The following PPP1R3D variants were observed in gnomAD, a reference collection of about 807,000 sequenced individuals.
The protein encoded by PPP1R3D is PP1 subunit R6.
A neutral mutation model predicts 16.3 loss-of-function variants in PPP1R3D; 27 were observed. The observed-to-expected ratio is 1.66, with a 90% CI of 1.22 to 2.29. The LOEUF is 2.29. PPP1R3D is among the 30% of genes most tolerant of loss of function. The probability of loss-of-function intolerance (pLI) is 0.00; values close to 1 mark genes in which losing one functional copy is unlikely to be tolerated. For synonymous variants in PPP1R3D, 223 were observed against 209.7 expected (o/e 1.06, Z -0.55); for missense variants, 472 against 438.3 (o/e 1.08, Z -0.69).
In PPP1R3D at chr20:59,939,614, G is replaced by A. The variant is rs369153560; in HGVS notation, c.318C>T (p.Ala106=). ...GTGCCAGCTCCAAGCCCAGGGCGTC[G>A]GCGAAGCGCACGCGGAGCTTCTGGC... ...GCSQKLRVRF[A]DALGLELAQV... is the part of the protein sequence containing the mutation. The change falls in exon 1 of 1, where the codon GCC becomes GCT. Residue 106 remains alanine (A), a synonymous_variant. Transcript: ENST00000370996. 3.1e-5 allele frequency: 49 copies of A among 1,588,954 alleles called. No individual in the cohort carries two copies. The highest frequency in any genetic ancestry group is 2.3e-4 in the East Asian group (10 of 42,766).
Position 59,938,621 on chromosome 20 carries a change from T to G in PPP1R3D, c.*411A>C, listed in dbSNP as rs1292761028. Reference sequence around the variant, plus strand: ...AATATTCCTGAGGAGGCATCCGCTATGGGCTAAAGGTCCCAACATCACAAT... The same window carrying G: ...AATATTCCTGAGGAGGCATCCGCTAGGGGCTAAAGGTCCCAACATCACAAT... On this transcript the variant is annotated 3_prime_UTR_variant, in exon 1 of 1. Coordinates refer to ENST00000370996, the MANE Select transcript of PPP1R3D (RefSeq NM_006242.4). The G allele has an allele frequency of 6.3e-6, 1 of 158,078 alleles. No individual in the cohort carries two copies. The highest frequency in any genetic ancestry group is 1.4e-5 in the Non-Finnish European group (1 of 72,048). The allele number at this position is 158,078 out of a possible 1,614,324, so 9.8% of individuals were successfully genotyped here.
At position 59,939,010 on chromosome 20, in the gene PPP1R3D, A is replaced by G. The variant is rs758454930; in HGVS notation, c.*22T>C. The G allele has an allele frequency of 2.7e-6, 4 of 1,491,646 alleles. No individual in the cohort carries two copies. The Admixed American group carries it at 8.9e-5, about 33-fold the overall frequency. The allele number at this position is 1,491,646 out of a possible 1,614,324, so 92.4% of individuals were successfully genotyped here. ...GGCGCAGCTTAGGTGTGGAGGCTCC[A>G]GGTGGCCGGTCCCCGCGCGGCTCAG... On this transcript the variant is annotated 3_prime_UTR_variant, in exon 1 of 1. Transcript: ENST00000370996.
rs1277098821 is a variant in PPP1R3D, at chr20:59,939,500, G to A, written c.432C>T (p.Ser144=). ...RLAINSDLCC[S]SQDLEFTLHC... ...GCAGGGTGAACTCCAGGTCCTGGCT[G>A]CTGCAGCACAGGTCCGAGTTGATTG... Residue 144 remains serine, a synonymous_variant, in exon 1 of 1, where the codon AGC becomes AGT. Coordinates refer to ENST00000370996, the MANE Select transcript of PPP1R3D (RefSeq NM_006242.4). The A allele has an allele frequency of 2.5e-6, 4 of 1,612,096 alleles. No individual in the cohort carries two copies. Among genetic ancestry groups the A allele is most frequent in the East Asian group, 4.5e-5 (2 of 44,868 alleles).
chr20:59,939,938 G>C lies in PPP1R3D; in HGVS notation c.-7C>G. ...AGCTCGGGCCTCTGGACATGGCCCCGCCGGCCGTCGGAAGATGAGGCAGGG... is the reference window on the plus strand; with the variant it reads ...AGCTCGGGCCTCTGGACATGGCCCCCCCGGCCGTCGGAAGATGAGGCAGGG... On this transcript the variant is annotated 5_prime_UTR_variant, in exon 1 of 1. Coordinates refer to ENST00000370996, the MANE Select transcript of PPP1R3D (RefSeq NM_006242.4). The C allele has an allele frequency of 7.9e-7, 1 of 1,263,956 alleles. No homozygotes were observed. The highest frequency in any genetic ancestry group is 3.1e-5 in the East Asian group (1 of 32,590). The allele number at this position is 1,263,956 out of a possible 1,614,324, so 78.3% of individuals were successfully genotyped here.
chr20:59,940,156 T>C lies in PPP1R3D; in HGVS notation c.-225A>G. ...TAAAGAAATTGTAAGAGTGGGGAGT[T>C]TTTCTCTAGTGGAAGCTTTCAGAGG... On this transcript the variant is annotated 5_prime_UTR_variant, in exon 1 of 1. Coordinates refer to ENST00000370996, the MANE Select transcript of PPP1R3D (RefSeq NM_006242.4). 1 of 399,610 alleles carries C rather than the reference T, an allele frequency of 2.5e-6. No homozygotes were observed. Among genetic ancestry groups the C allele is most frequent in the Non-Finnish European group, 4.6e-6 (1 of 219,068 alleles). The allele number at this position is 399,610 out of a possible 1,614,324, so 24.8% of individuals were successfully genotyped here. A position where few individuals can be genotyped will look rare whatever the true frequency, so the allele number is the denominator to read the frequency against.
At position 59,940,136 on chromosome 20, in the gene PPP1R3D, AAATTG is replaced by A. The variant is rs2060891772; in HGVS notation, c.-210_-206del. 1 of 415,358 alleles carries A rather than the reference AAATTG, an allele frequency of 2.4e-6. No homozygotes were observed. The highest frequency in any genetic ancestry group is 4.5e-5 in the Admixed American group (1 of 22,394). 25.7% of individuals were successfully genotyped at this position (415,358 alleles called of 1,614,324 possible). On this transcript the variant is annotated 5_prime_UTR_variant, in exon 1 of 1. Transcript: ENST00000370996. Reference sequence around the variant, plus strand: ...GGTCCTCCGCTTCTTGCGGTTAAAGAAATTGTAAGAGTGGGGAGTTTTTCTCTAGT... The same window carrying A: ...GGTCCTCCGCTTCTTGCGGTTAAAGATAAGAGTGGGGAGTTTTTCTCTAGT...
In PPP1R3D at chr20:59,939,434, G is replaced by C; in HGVS notation, c.498C>G (p.Ala166=). The part of the protein sequence containing the change: ...VPDFPPPVEA[A]DFGERLQRQL... ...GCCGCTGCAGGCGCTCGCCAAAGTC[G>C]GCGGCCTCGACGGGCGGCGGGAAAT... Residue 166 remains alanine (A), a synonymous_variant, in exon 1 of 1, where the codon GCC becomes GCG. Transcript: ENST00000370996. 1 of 1,611,392 alleles carries C rather than the reference G, an allele frequency of 6.2e-7. No individual in the cohort carries two copies. Among genetic ancestry groups the C allele is most frequent in the Non-Finnish European group, 8.5e-7 (1 of 1,179,530 alleles).
chr20:59,939,358 T>C lies in PPP1R3D; in HGVS notation c.574A>G (p.Thr192Ala), dbSNP rs2060883511. 1.9e-6 allele frequency: 3 copies of C among 1,610,760 alleles called. No individual in the cohort carries two copies. The highest frequency in any genetic ancestry group is 1.3e-5 in the African/African-American group (1 of 74,912). The change falls in exon 1 of 1, where the codon ACG becomes GCG. Residue 192 changes from threonine (T) to alanine (A), a missense_variant. Transcript: ENST00000370996. ...AAGGCCACGTTGCACACGCGCACCG[T>C]ACCGCTGATGCCAAGGTCCGAGCAA... The part of the protein sequence containing the change: ...VTCSDLGISG[T>A]VRVCNVAFEK...
chr20:59,939,548 C>T lies in PPP1R3D; in HGVS notation c.384G>A (p.Pro128=). The T allele has an allele frequency of 6.2e-7, 1 of 1,611,714 alleles. No homozygotes were observed. Among genetic ancestry groups the T allele is most frequent in the Non-Finnish European group, 8.5e-7 (1 of 1,179,476 alleles). The part of the protein sequence containing the change: ...VFNAGDDPSV[P]LHVLSRLAIN... ...TTGCGAGCCGCGACAGCACGTGCAG[C>T]GGCACGGACGGGTCGTCTCCCGCGT... Residue 128 remains proline, a synonymous_variant, in exon 1 of 1, where the codon CCG becomes CCA. Transcript: ENST00000370996.
rs781215957 is a variant in PPP1R3D at position 59,939,963 on chromosome 20, G to A, written c.-32C>T. The A allele has an allele frequency of 2.4e-6, 3 of 1,257,844 alleles. No individual in the cohort carries two copies. Among genetic ancestry groups the A allele is most frequent in the East Asian group, 6.2e-5 (2 of 32,202 alleles). 77.9% of individuals were successfully genotyped at this position (1,257,844 alleles called of 1,614,324 possible). ...GCCGGCCGTCGGAAGATGAGGCAGG[G>A]ATGAGAGACGACCTCCCGACCCCGC... On this transcript the variant is annotated 5_prime_UTR_variant, in exon 1 of 1. Coordinates refer to ENST00000370996, the MANE Select transcript of PPP1R3D (RefSeq NM_006242.4).
Position 59,939,752 on chromosome 20 carries a change from G to T in PPP1R3D, c.180C>A (p.Cys60Ter). ...GGATGATGGGCCGCAGGCGGGGGTC[G>T]CAGCCCGACGGCGCTGGCGTTGGCG... ...APPPTPAPSG[C>*]DPRLRPIILR... is the part of the protein sequence containing the mutation. Residue 60 changes from cysteine (C) to a stop codon, truncating the protein, a stop_gained, in exon 1 of 1, where the codon TGC becomes TGA. Transcript: ENST00000370996. LOFTEE classifies it high-confidence loss of function. 8.2e-7 allele frequency: 1 copy of T among 1,225,112 alleles called. No homozygotes were observed. The highest frequency in any genetic ancestry group is 1.0e-6 in the Non-Finnish European group (1 of 984,306). 75.9% of individuals were successfully genotyped at this position (1,225,112 alleles called of 1,614,324 possible).
At position 59,939,090 on chromosome 20, in the gene PPP1R3D, T is replaced by C; in HGVS notation, c.842A>G (p.Asn281Ser). 6.3e-7 allele frequency: 1 copy of C among 1,592,806 alleles called. No individual in the cohort carries two copies. Among genetic ancestry groups the C allele is most frequent in the Non-Finnish European group, 8.5e-7 (1 of 1,172,858 alleles). ...DHRDYSLTCR[N>S]HALHMPRGEC... The stretch of plus-strand genomic sequence containing the variant: ...CCCGCGAGGCATGTGCAGCGCGTGG[T>C]TGCGACATGTGAGGCTGTAGTCTCG... The change falls in exon 1 of 1, where the codon AAC (asparagine) becomes AGC (serine). Residue 281 changes from asparagine (N) to serine (S), a missense_variant. Coordinates refer to ENST00000370996, the MANE Select transcript of PPP1R3D (RefSeq NM_006242.4).
At position 59,940,065 on chromosome 20, in the gene PPP1R3D, G is replaced by A. The variant is rs2060891157; in HGVS notation, c.-134C>T. On this transcript the variant is annotated 5_prime_UTR_variant, in exon 1 of 1. Transcript: ENST00000370996. ...CTGCGGGGGACCTCTCGGGCCCGGT[G>A]CGCCCTACCCTTGGTTCGCCACCTT... 1.4e-6 allele frequency: 1 copy of A among 706,544 alleles called. No individual in the cohort carries two copies. The highest frequency in any genetic ancestry group is 2.0e-6 in the Non-Finnish European group (1 of 495,998). The allele number at this position is 706,544 out of a possible 1,614,324, so 43.8% of individuals were successfully genotyped here. A position where few individuals can be genotyped will look rare whatever the true frequency, so the allele number is the denominator to read the frequency against.
chr20:59,939,291 C>T lies in PPP1R3D; in HGVS notation c.641G>A (p.Arg214His), dbSNP rs760835344. The T allele has an allele frequency of 3.1e-6, 5 of 1,612,306 alleles. No homozygotes were observed. The Admixed American group carries it at 5.0e-5, about 16-fold the overall frequency. ...CCGCGCCACCGCCTCGTGGGTACTG[C>T]GCCAGCCCGAGAAAGTGTAGCGCAC... ...VAVRYTFSGW[R>H]STHEAVARWR... The change falls in exon 1 of 1, where the codon CGC becomes CAC. Residue 214 changes from arginine (R) to histidine (H), a missense_variant. Coordinates refer to ENST00000370996, the MANE Select transcript of PPP1R3D (RefSeq NM_006242.4).
In PPP1R3D at chr20:59,939,281, G is replaced by T. The variant is rs369690383; in HGVS notation, c.651C>A (p.His217Gln). 1 of 1,611,494 alleles carries T rather than the reference G, an allele frequency of 6.2e-7. No individual in the cohort carries two copies. The highest frequency in any genetic ancestry group is 8.5e-7 in the Non-Finnish European group (1 of 1,178,992). Residue 217 changes from histidine to glutamine, a missense_variant, in exon 1 of 1, where the codon CAC becomes CAA. By Grantham distance (24) the His-to-Gln change is conservative. Coordinates refer to ENST00000370996, the MANE Select transcript of PPP1R3D (RefSeq NM_006242.4). ...GCCCGCGCCACCGCGCCACCGCCTC[G>T]TGGGTACTGCGCCAGCCCGAGAAAG... ...RYTFSGWRST[H>Q]EAVARWRGPA...
chr20:59,939,632 C>A lies in PPP1R3D; in HGVS notation c.300G>T (p.Lys100Asn), dbSNP rs756336001. ...GAACRPGCSQ[K>N]LRVRFADALG... ...GGGCGTCGGCGAAGCGCACGCGGAG[C>A]TTCTGGCTGCAGCCCGGCCGACACG... The change falls in exon 1 of 1, where the codon AAG becomes AAT. Residue 100 changes from lysine to asparagine, a missense_variant. Lys to Asn is a moderately conservative substitution (Grantham distance 94). Transcript: ENST00000370996. 3.8e-6 allele frequency: 6 copies of A among 1,576,532 alleles called. No homozygotes were observed. The highest frequency in any genetic ancestry group is 1.8e-5 in the Admixed American group (1 of 56,462).
Position 59,939,446 on chromosome 20 carries a change from G to T in PPP1R3D, c.486C>A (p.Pro162=). The T allele has an allele frequency of 6.2e-7, 1 of 1,611,662 alleles. No individual in the cohort carries two copies. The highest frequency in any genetic ancestry group is 8.5e-7 in the Non-Finnish European group (1 of 1,179,588). Residue 162 remains proline (P), a synonymous_variant, in exon 1 of 1, where the codon CCC becomes CCA. Coordinates refer to ENST00000370996, the MANE Select transcript of PPP1R3D (RefSeq NM_006242.4). ...GCTCGCCAAAGTCGGCGGCCTCGAC[G>T]GGCGGCGGGAAATCGGGCACCAGGC... ...LHCLVPDFPP[P]VEAADFGERL...
In PPP1R3D at chr20:59,939,727, G is replaced by GGAT; in HGVS notation, c.202_204dup (p.Ile68dup). 7.8e-7 allele frequency: 1 copy of GGAT among 1,280,182 alleles called. No individual in the cohort carries two copies. Among genetic ancestry groups the GGAT allele is most frequent in the South Asian group, 2.7e-5 (1 of 37,312 alleles). The allele number at this position is 1,280,182 out of a possible 1,614,324, so 79.3% of individuals were successfully genotyped here. ...CTGGGCAGTGAGCGCGCCCGCCGCA[G>GGAT]GATGATGGGCCGCAGGCGGGGGTCG... On this transcript the variant is annotated inframe_insertion, in exon 1 of 1. Transcript: ENST00000370996.
chr20:59,939,165 G>T lies in PPP1R3D; in HGVS notation c.767C>A (p.Ala256Glu). Residue 256 changes from alanine (A) to glutamate (E), a missense_variant, in exon 1 of 1, where the codon GCG becomes GAG. Physicochemically the swap from Ala to Glu is moderately radical, Grantham distance 107. Transcript: ENST00000370996. Reference protein sequence around the residue: ...LLELGSRVHFAVRYQVAGAEY... With the variant: ...LLELGSRVHFEVRYQVAGAEY... ...GGCACCCGCCACTTGGTAGCGCACC[G>T]CGAAGTGCACGCGGGAGCCGAGCTC... is the stretch of plus-strand genomic sequence containing the variant. 1 of 1,611,340 alleles carries T rather than the reference G, an allele frequency of 6.2e-7. No homozygotes were observed. Among genetic ancestry groups the T allele is most frequent in the Non-Finnish European group, 8.5e-7 (1 of 1,178,354 alleles).
Sources: gnomAD v4.1 joint callset for allele counts on GRCh38, gnomAD v4.1.1 for gene constraint, MANE v1.5 for transcripts, NCBI Gene and HGNC (gene_info 2026-07-23, HGNC 2026-07-21) for gene names.